The following CPD variants were observed in gnomAD, a reference collection of about 807,000 sequenced individuals.
CPD encodes carboxypeptidase D.
Under a neutral mutation model 138.3 loss-of-function variants are expected in CPD, and 69 were observed. The ratio of observed to expected loss-of-function variants is 0.50; its 90% confidence interval spans 0.41 to 0.61. CPD has a LOEUF of 0.61. Ranked by LOEUF, CPD falls within the 20% of genes least tolerant of loss-of-function variation. The probability of loss-of-function intolerance (pLI) is 0.00; values close to 1 mark genes in which losing one functional copy is unlikely to be tolerated. For synonymous variants in CPD, 651 were observed against 642.1 expected (o/e 1.01, Z -0.21); for missense variants, 1,432 against 1,733.3 (o/e 0.83, Z 3.09).
intron 2 of CPD, among the ~76,000 whole-genome samples, chr17:30,397,949 G>A (rs1911554191): frequency 6.6e-6 from 1 of 151,178 alleles, no homozygotes; most frequent in South Asian, 2.1e-4. Context: ...AGGCCAAGGT[G>A]GGAGGATTGC....
chr17:30,445,804 G>A lies in CPD; in HGVS notation c.2657G>A (p.Gly886Glu). The change falls in exon 12 of 21, where the codon GGG (glycine) becomes GAG (glutamate). Residue 886 changes from glycine to glutamate, a missense_variant. Coordinates refer to ENST00000225719, the MANE Select transcript of CPD (RefSeq NM_001304.5). ...AACAATGAATCAAAGAAAGGAAAAGGGGCTAGCAGCAGCACCAATGATGCC... is the reference window on the plus strand; with the variant it reads ...AACAATGAATCAAAGAAAGGAAAAGAGGCTAGCAGCAGCACCAATGATGCC... The part of the protein sequence containing the change: ...DSNNESKKGK[G>E]ASSSTNDASD... The A allele has an allele frequency of 6.2e-7, 1 of 1,613,994 alleles. No homozygotes were observed. Among genetic ancestry groups the A allele is most frequent in the Non-Finnish European group, 8.5e-7 (1 of 1,179,974 alleles).
intron 1 of CPD, chr17:30,380,412 T>A: frequency 8.9e-7 from 1 of 1,119,538 alleles, no homozygotes; most frequent in Non-Finnish European, 1.1e-6. Context: ...AGATATGGAC[T>A]TAGCTGGAGA....
At position 30,439,113 on chromosome 17, in the gene CPD, A is replaced by T. The variant is rs748322527; in HGVS notation, c.2230+36A>T. Reference sequence around the variant, plus strand: ...TTTTATATCAAGGCCTTACAACTTGATGGCCTTTCTGCTTTCCTAGATGGT... The same window carrying T: ...TTTTATATCAAGGCCTTACAACTTGTTGGCCTTTCTGCTTTCCTAGATGGT... On this transcript the variant is annotated intron_variant, in intron 9 of 20. Transcript: ENST00000225719. 7.4e-6 allele frequency: 9 copies of T among 1,213,038 alleles called. No individual in the cohort carries two copies. The East Asian group carries it at 1.8e-4, about 24-fold the overall frequency. The allele number at this position is 1,213,038 out of a possible 1,614,324, so 75.1% of individuals were successfully genotyped here.
chr17:30,382,833 C>T (rs1911082990), intron 1 of CPD, among the ~76,000 whole-genome samples: 1 of 152,032 alleles, frequency 6.6e-6, no homozygotes, highest in Admixed American at 6.6e-5. Flanking sequence ...TATGAATGCC[C>T]AGAGGGTATT....
chr17:30,413,665 C>T (rs111714643), intron 2 of CPD, among the ~76,000 whole-genome samples: 9 of 152,300 alleles, frequency 5.9e-5, no homozygotes, highest in African/African-American at 2.2e-4. Context: ...TAACAAAGAT[C>T]TCTGCCCTTG....
intron 9 of CPD, 28 bp from the exon 10 acceptor site, chr17:30,442,280 G>A (rs200945915): frequency 8.7e-5 from 139 of 1,606,496 alleles, no homozygotes; most frequent in Non-Finnish European, 1.1e-4. Context: ...CTTCTTCAGA[G>A]TGACTAATTT....
chr17:30,431,944 A>G (rs1222655500), intron 8 of CPD, 63 bp downstream of exon 8: 2 of 1,148,978 alleles, frequency 1.7e-6, no homozygotes, highest in African/African-American at 1.6e-5. Context: ...AATATGCTTT[A>G]AAGTCCTGCA....
chr17:30,380,601 G>T, intron 1 of CPD: 2 of 1,509,692 alleles, frequency 1.3e-6, no homozygotes, highest in Middle Eastern at 1.8e-4. Flanking sequence ...AGGACCTCAA[G>T]AAATTAGTAT....
intron 4 of CPD, among the ~76,000 whole-genome samples, 178 bp downstream of exon 4, chr17:30,422,011 G>A (rs1403884185): frequency 6.6e-6 from 1 of 151,964 alleles, no homozygotes; most frequent in Non-Finnish European, 1.5e-5. Context: ...TTGTCACATA[G>A]TCTAATAGTA....
intron 11 of CPD, among the ~76,000 whole-genome samples, chr17:30,444,326 C>G (rs1303437054): frequency 6.6e-6 from 1 of 152,064 alleles, no homozygotes; most frequent in Non-Finnish European, 1.5e-5. Context: ...ATTCTACAGT[C>G]AGTTCCAATT....
intron 6 of CPD, among the ~76,000 whole-genome samples, chr17:30,425,063 C>T (rs1230090247): frequency 1.3e-5 from 2 of 152,094 alleles, no homozygotes; most frequent in Non-Finnish European, 2.9e-5. Context: ...CTACATACTC[C>T]CCAGACCTTT....
intron 2 of CPD, among the ~76,000 whole-genome samples, chr17:30,415,274 A>G (rs777072687): frequency 1.1e-4 from 17 of 152,086 alleles, no homozygotes; most frequent in South Asian, 2.1e-4. Context: ...TTGTCCCCCT[A>G]CAGTCATTTT....
At chr17:30,464,546 T>G in intron 20 of CPD, 42 bp from the exon 21 acceptor site, 2 of 1,536,064 alleles carry the variant, frequency 1.3e-6, no homozygotes, top group Non-Finnish European at 1.8e-6. Flanking sequence ...ATTAATATCC[T>G]TAAAGTATAA....
At chr17:30,414,570 G>A (rs1300497542) in intron 2 of CPD, among the ~76,000 whole-genome samples, 2 of 150,358 alleles carry the variant, frequency 1.3e-5, no homozygotes, top group Non-Finnish European at 3.0e-5. Flanking sequence ...GTAACAGAGC[G>A]AGACTGTCTC....
At position 30,385,217 on chromosome 17, in the gene CPD, A is replaced by T. The variant is rs778363330; in HGVS notation, c.975A>T (p.Ala325=). 1.2e-6 allele frequency: 2 copies of T among 1,614,070 alleles called. No individual in the cohort carries two copies. The highest frequency in any genetic ancestry group is 1.7e-6 in the Non-Finnish European group (2 of 1,179,932). Residue 325 remains alanine (A), a synonymous_variant, in exon 2 of 21, where the codon GCA becomes GCT. Coordinates refer to ENST00000225719, the MANE Select transcript of CPD (RefSeq NM_001304.5). ...ETFKDGITNG[A]HWYDVEGGMQ... is the part of the protein sequence containing the mutation. The stretch of plus-strand genomic sequence containing the variant: ...TCAAAGATGGAATCACAAACGGCGC[A>T]CATTGGTATGATGTGGAAGGTATGC...
At chr17:30,407,575 A>C (rs1271256355) in intron 2 of CPD, among the ~76,000 whole-genome samples, 5 of 152,180 alleles carry the variant, frequency 3.3e-5, no homozygotes, top group African/African-American at 1.2e-4. Context: ...AGTGATGATG[A>C]GCATTTTTTC....
chr17:30,449,801 A>G, intron 13 of CPD, 53 bp downstream of exon 13: 1 of 1,449,294 alleles, frequency 6.9e-7, no homozygotes, highest in East Asian at 2.4e-5. Flanking sequence ...CTCAACATTA[A>G]TATCAGGGCA....
Position 30,455,416 on chromosome 17 carries a change from T to C in CPD, c.3283T>C (p.Leu1095=). The change falls in exon 15 of 21, where the codon TTA becomes CTA. Residue 1095 remains leucine, a synonymous_variant. Transcript: ENST00000225719. ...ACAGGACTTTAGTCTTTCTGTTGCC[T>C]TAGATGGTGGTTCCATGCTGGTCAC... is the stretch of plus-strand genomic sequence containing the variant. ...QKQDFSLSVA[L]DGGSMLVTYP... is the part of the protein sequence containing the mutation. 1 of 1,613,934 alleles carries C rather than the reference T, an allele frequency of 6.2e-7. No homozygotes were observed. The highest frequency in any genetic ancestry group is 1.1e-5 in the South Asian group (1 of 91,056).
At chr17:30,410,955 ATGGTC>A (rs2143384183) in intron 2 of CPD, among the ~76,000 whole-genome samples, 1 of 151,632 alleles carries the variant, frequency 6.6e-6, no homozygotes, top group African/African-American at 2.4e-5. Flanking sequence ...CACAGCATGA[ATGGTC>A]TTTGCAATTT....
Sources: gnomAD v4.1 joint callset for allele counts (sites outside exome capture counted in the v4.1 genomes callset) on GRCh38, gnomAD v4.1.1 for gene constraint, MANE v1.5 for transcripts, NCBI Gene and HGNC (gene_info 2026-07-23, HGNC 2026-07-21) for gene names.